The following MDGA2 variants were observed in gnomAD, a reference collection of about 807,000 sequenced individuals.
The protein encoded by MDGA2 is MAM domain-containing glycosylphosphatidylinositol anchor protein 2.
In MDGA2, 40 loss-of-function variants were observed where a neutral mutation model predicts 117.8. The observed-to-expected ratio is 0.34, with a 90% confidence interval of 0.26 to 0.44. The LOEUF is 0.44. Ranked by LOEUF, MDGA2 falls within the 20% of genes least tolerant of loss-of-function variation. The pLI, the probability that MDGA2 is intolerant of heterozygous loss-of-function variation, is 1.00. For synonymous variants in MDGA2, 452 were observed against 439.0 expected, an observed-to-expected ratio of 1.03 and a Z score of -0.37; for missense variants, 1,123 against 1,250.6, an observed-to-expected ratio of 0.90 and a Z score of 1.54.
At chr14:47,542,141 AATT>A in intron 1 of MDGA2, among the ~76,000 whole-genome samples, 2 of 152,324 alleles carry the variant, frequency 1.3e-5, no homozygotes, top group African/African-American at 4.8e-5. Context: ...AATAAGAAAC[AATT>A]ATTATTTTGT....
chr14:47,540,414 T>C (rs964176950), intron 1 of MDGA2, among the ~76,000 whole-genome samples: 1 of 151,878 alleles, frequency 6.6e-6, no homozygotes, highest in Non-Finnish European at 1.5e-5. Flanking sequence ...CTGTCCCCTT[T>C]CCTGCTTTTT....
chr14:46,972,909 T>A (rs972668194), intron 8 of MDGA2, among the ~76,000 whole-genome samples: 7 of 151,976 alleles, frequency 4.6e-5, no homozygotes, highest in Non-Finnish European at 1.0e-4. Context: ...ATACAAAAAC[T>A]CTAAAAACTC....
chr14:47,447,902 A>C (rs1478489898), intron 1 of MDGA2, among the ~76,000 whole-genome samples: 1 of 152,114 alleles, frequency 6.6e-6, no homozygotes, highest in Non-Finnish European at 1.5e-5. Context: ...TAAAATAAGA[A>C]ATATGTATTT....
intron 2 of MDGA2, among the ~76,000 whole-genome samples, chr14:47,292,616 G>A (rs551554060): frequency 6.6e-6 from 1 of 151,814 alleles, no homozygotes; most frequent in African/African-American, 2.4e-5. Context: ...ATCCTTTGAA[G>A]GAAGGATTGA....
intron 4 of MDGA2, among the ~76,000 whole-genome samples, chr14:47,137,315 T>C (rs1882504062): frequency 1.3e-5 from 2 of 152,120 alleles, no homozygotes; most frequent in East Asian, 3.9e-4. Context: ...GAAGGTGCTA[T>C]AGTTTGGATG....
intron 4 of MDGA2, among the ~76,000 whole-genome samples, chr14:47,142,482 G>C (rs1882764599): frequency 6.6e-6 from 1 of 151,284 alleles, no homozygotes; most frequent in South Asian, 2.1e-4. Context: ...CAAACAAAAA[G>C]AAATAGCCAT....
chr14:47,233,700 G>T (rs566718145), intron 2 of MDGA2, among the ~76,000 whole-genome samples: 64 of 152,200 alleles, frequency 4.2e-4, no homozygotes, highest in African/African-American at 1.5e-3. Flanking sequence ...ACAACATTTT[G>T]TTACAGTTTA....
chr14:47,253,213 T>C (rs1416253628), intron 2 of MDGA2, among the ~76,000 whole-genome samples: 2 of 152,160 alleles, frequency 1.3e-5, no homozygotes. Flanking sequence ...TCCTCACATT[T>C]CAAAACACAA....
intron 5 of MDGA2, among the ~76,000 whole-genome samples, chr14:47,110,043 A>G (rs1293708330): frequency 1.3e-5 from 2 of 152,180 alleles, no homozygotes; most frequent in Non-Finnish European, 2.9e-5. Flanking sequence ...TTTATTGACA[A>G]ATTCTAGTTA....
At chr14:47,105,246 C>T (rs896558807) in intron 5 of MDGA2, among the ~76,000 whole-genome samples, 1 of 152,130 alleles carries the variant, frequency 6.6e-6, no homozygotes, top group Non-Finnish European at 1.5e-5. Context: ...TTGCTTATTT[C>T]CGCACCCCAA....
At chr14:47,425,698 C>G (rs927452524) in intron 1 of MDGA2, among the ~76,000 whole-genome samples, 1 of 152,022 alleles carries the variant, frequency 6.6e-6, no homozygotes, top group African/African-American at 2.4e-5. Flanking sequence ...TTTTGATATA[C>G]TATTCCTGAG....
chr14:47,205,490 AT>A (rs886845005), intron 3 of MDGA2, among the ~76,000 whole-genome samples: 19 of 152,126 alleles, frequency 1.2e-4, no homozygotes, highest in African/African-American at 4.6e-4. Flanking sequence ...AAGAAAGTAA[AT>A]ATATGTTTAT....
At chr14:47,079,131 G>C (rs989219133) in intron 6 of MDGA2, among the ~76,000 whole-genome samples, 2 of 151,782 alleles carry the variant, frequency 1.3e-5, no homozygotes, top group Admixed American at 6.6e-5. Context: ...CTCTTCACTT[G>C]ACATAAAAAT....
chr14:47,429,156 C>A (rs1240349837), intron 1 of MDGA2, among the ~76,000 whole-genome samples: 1 of 151,642 alleles, frequency 6.6e-6, no homozygotes, highest in Non-Finnish European at 1.5e-5. Context: ...ACCTAGGGGG[C>A]AGAGGTTGCA....
At chr14:47,268,674 T>G (rs191892844) in intron 2 of MDGA2, among the ~76,000 whole-genome samples, 46 of 152,286 alleles carry the variant, frequency 3.0e-4, no homozygotes, top group African/African-American at 1.0e-3. Context: ...CAAAACCTTA[T>G]AATTATGTAA....
chr14:47,115,282 T>C (rs1486060742), intron 5 of MDGA2, among the ~76,000 whole-genome samples: 1 of 152,014 alleles, frequency 6.6e-6, no homozygotes, highest in Non-Finnish European at 1.5e-5. Flanking sequence ...GTGTCATATA[T>C]ACTTCAAATC....
At chr14:47,428,386 A>G (rs1214597726) in intron 1 of MDGA2, among the ~76,000 whole-genome samples, 2 of 152,110 alleles carry the variant, frequency 1.3e-5, no homozygotes, top group Non-Finnish European at 2.9e-5. Flanking sequence ...AGTAGTACAG[A>G]TGTTTTTATA....
chr14:47,518,620 C>G (rs1306911212), intron 1 of MDGA2, among the ~76,000 whole-genome samples: 1 of 152,084 alleles, frequency 6.6e-6, no homozygotes, highest in East Asian at 1.9e-4. Context: ...TTCTTCTTAT[C>G]TAATATTCTA....
At chr14:47,384,423 C>G (rs1891712019) in intron 1 of MDGA2, among the ~76,000 whole-genome samples, 1 of 151,622 alleles carries the variant, frequency 6.6e-6, no homozygotes, top group Admixed American at 6.6e-5. Flanking sequence ...TTTTATTTTT[C>G]CTCAAGCAGC....
Sources: gnomAD v4.1 joint callset for allele counts (sites outside exome capture counted in the v4.1 genomes callset) on GRCh38, gnomAD v4.1.1 for gene constraint, MANE v1.5 for transcripts, NCBI Gene and HGNC (gene_info 2026-07-23, HGNC 2026-07-21) for gene names.